Variants in NOL4 observed in about 807,000 individuals in gnomAD.
NOL4 encodes nucleolar protein 4.
Under a neutral mutation model 75.9 loss-of-function variants are expected in NOL4, and 17 were observed. The ratio of observed to expected loss-of-function variants is 0.22; its 90% confidence interval spans 0.15 to 0.34. The LOEUF is 0.34. Among genes scored for constraint, NOL4 ranks in the 10% least tolerant of loss-of-function variants. The pLI, the probability that NOL4 is intolerant of heterozygous loss-of-function variation, is 1.00. For synonymous variants in NOL4, 292 were observed against 289.9 expected (o/e 1.01, Z -0.07); for missense variants, 614 against 793.5 (o/e 0.77, Z 2.72).
At chr18:34,110,241 A>C (rs2079527286) in intron 2 of NOL4, among the ~76,000 whole-genome samples, 1 of 151,626 alleles carries the variant, frequency 6.6e-6, no homozygotes. Context: ...CGCTACAAAA[A>C]AAGTTTACAG....
At chr18:34,210,105 A>G in intron 1 of NOL4, among the ~76,000 whole-genome samples, 1 of 152,300 alleles carries the variant, frequency 6.6e-6, no homozygotes, top group South Asian at 2.1e-4. Flanking sequence ...AACATCATAT[A>G]TTTCTTAATA....
chr18:34,211,737 G>A (rs910339162), intron 1 of NOL4, among the ~76,000 whole-genome samples: 3 of 152,090 alleles, frequency 2.0e-5, no homozygotes, highest in Non-Finnish European at 4.4e-5. Flanking sequence ...ATTAAAATTA[G>A]AAAGAGTGGA....
chr18:33,936,884 G>A (rs148817793), intron 9 of NOL4, among the ~76,000 whole-genome samples: 8 of 151,898 alleles, frequency 5.3e-5, no homozygotes, highest in Non-Finnish European at 1.2e-4. Context: ...ACAAGTAACT[G>A]GTTCTAATCC....
chr18:33,979,141 T>C (rs1359816881), intron 6 of NOL4, among the ~76,000 whole-genome samples: 1 of 152,088 alleles, frequency 6.6e-6, no homozygotes, highest in Non-Finnish European at 1.5e-5. Flanking sequence ...ATAAAACAGA[T>C]GAATGTTTAG....
At chr18:33,923,323 CTTT>C (rs943492458) in intron 9 of NOL4, among the ~76,000 whole-genome samples, 3 of 151,722 alleles carry the variant, frequency 2.0e-5, no homozygotes, top group African/African-American at 7.3e-5. Flanking sequence ...AACTTTTATC[CTTT>C]TTGTGTTTTA....
chr18:34,096,039 T>A (rs762731660), intron 4 of NOL4, among the ~76,000 whole-genome samples: 3 of 152,040 alleles, frequency 2.0e-5, no homozygotes, highest in Admixed American at 1.3e-4. Flanking sequence ...CTCTGTTCTA[T>A]GAAATGGTTG....
chr18:34,046,607 CATAT>C (rs35281852), intron 5 of NOL4, among the ~76,000 whole-genome samples: 1,169 of 81,660 alleles, frequency 0.014, 48 homozygotes, highest in African/African-American at 0.043. Context: ...TTTACTTATA[CATAT>C]ATATATATAT....
chr18:34,049,823 C>T (rs186072170), intron 5 of NOL4, among the ~76,000 whole-genome samples: 15 of 152,154 alleles, frequency 9.9e-5, no homozygotes, highest in Admixed American at 5.2e-4. Context: ...TTATGGATGT[C>T]GCTGTCACTC....
intron 6 of NOL4, among the ~76,000 whole-genome samples, chr18:34,008,278 AGCCTCCAGCTGGCT>A (rs1330129916): frequency 6.6e-6 from 1 of 151,898 alleles, no homozygotes; most frequent in African/African-American, 2.4e-5. Context: ...GGCTTTCCTG[AGCCTCCAGCTGGCT>A]GACAGCAGAT....
chr18:33,990,249 C>T (rs2072815586), intron 6 of NOL4, among the ~76,000 whole-genome samples: 1 of 152,154 alleles, frequency 6.6e-6, no homozygotes. Context: ...TTGTATCTCA[C>T]ATCAGATCAT....
chr18:33,931,926 G>T (rs1195460017), intron 9 of NOL4, among the ~76,000 whole-genome samples: 4 of 151,796 alleles, frequency 2.6e-5, no homozygotes, highest in African/African-American at 9.7e-5. Context: ...CCACTATCAT[G>T]CAAATCAAGA....
intron 1 of NOL4, among the ~76,000 whole-genome samples, chr18:34,180,826 T>C (rs1343439081): frequency 7.3e-5 from 11 of 151,468 alleles, no homozygotes; most frequent in Admixed American, 6.6e-4. Flanking sequence ...AGCAATCTAT[T>C]TTATACCATT....
At chr18:34,162,857 C>T (rs1194378112) in intron 1 of NOL4, among the ~76,000 whole-genome samples, 19 of 152,250 alleles carry the variant, frequency 1.2e-4, no homozygotes, top group East Asian at 3.9e-4. Flanking sequence ...TACTGGCAAA[C>T]GGAATCTAGC....
chr18:33,976,211 G>A (rs192525251), intron 6 of NOL4, among the ~76,000 whole-genome samples: 10 of 152,224 alleles, frequency 6.6e-5, no homozygotes, highest in South Asian at 6.2e-4. Context: ...CCTTGTGACC[G>A]TCTCACAGCA....
rs61306180 is a variant in NOL4 at position 33,880,305 on chromosome 18, C to CTGTGTGTG, written c.1723+2931_1723+2938dup. ...GGTGTTTTTGTCATGCAAAAGGGGT[C>CTGTGTGTG]TGTGTGTGTGTGTGTGTGTGTGTGT... is the stretch of plus-strand genomic sequence containing the variant. On this transcript the variant is annotated intron_variant, in intron 10 of 10. Coordinates refer to ENST00000261592, the MANE Select transcript of NOL4 (RefSeq NM_003787.5). Among the ~76,000 whole-genome samples the CTGTGTGTG allele has an allele frequency of 7.0e-3, 1,015 of 144,478 alleles. 10 individuals carry two copies. Among genetic ancestry groups the CTGTGTGTG allele is most frequent in the East Asian group, 0.029 (141 of 4,780 alleles). The allele number at this position is 144,478 out of a possible 152,430, so 94.8% of individuals were successfully genotyped here.
chr18:33,919,500 A>C lies in NOL4; in HGVS notation c.1542+23565T>G, dbSNP rs2047236821. ...TTCAGTGGTCACTTCCATAATGCATAAGTCACTGCTGAATATTTTAAGAGC... is the reference window on the plus strand; with the variant it reads ...TTCAGTGGTCACTTCCATAATGCATCAGTCACTGCTGAATATTTTAAGAGC... On this transcript the variant is annotated intron_variant, in intron 9 of 10. Coordinates refer to ENST00000261592, the MANE Select transcript of NOL4 (RefSeq NM_003787.5). Among the ~76,000 whole-genome samples the C allele has an allele frequency of 7.2e-5, 11 of 152,210 alleles. No individual in the cohort carries two copies. The South Asian group carries it at 2.3e-3, about 31-fold the overall frequency.
At chr18:33,867,134 A>G (rs1365931977) in intron 10 of NOL4, among the ~76,000 whole-genome samples, 1 of 152,180 alleles carries the variant, frequency 6.6e-6, no homozygotes, top group Admixed American at 6.5e-5. Flanking sequence ...TAAATACCGT[A>G]GGGGGTTAAT....
intron 1 of NOL4, among the ~76,000 whole-genome samples, chr18:34,213,703 T>C (rs531564278): frequency 1.3e-5 from 2 of 152,328 alleles, no homozygotes; most frequent in South Asian, 4.1e-4. Flanking sequence ...TTTTCTGACA[T>C]GGGATGAGGC....
In NOL4 at chr18:34,061,300, C is replaced by A. The variant is rs142913947; in HGVS notation, c.772+32165G>T. On this transcript the variant is annotated intron_variant, in intron 5 of 10. Transcript: ENST00000261592. ...TACATTATTCTTAATGATACTCTTC[C>A]ACATACAGTGGGTAAGAAAAATATA... Among the ~76,000 whole-genome samples, 11 of 152,138 alleles carry A rather than the reference C, an allele frequency of 7.2e-5. No homozygotes were observed. In the East Asian group the frequency reaches 1.9e-3, roughly 27 times the overall value.
Sources: allele counts gnomAD v4.1 joint callset (sites outside exome capture counted in the v4.1 genomes callset), GRCh38; gene constraint gnomAD v4.1.1; transcripts MANE v1.5; gene names NCBI Gene and HGNC (gene_info 2026-07-23, HGNC 2026-07-21).